Variants in ST3GAL4 observed in about 807,000 individuals in gnomAD.
ST3GAL4 encodes ST3 beta-galactoside alpha-2,3-sialyltransferase 4.
In ST3GAL4, 24 loss-of-function variants were observed where a neutral mutation model predicts 42.6. That is an observed-to-expected ratio of 0.56 (90% CI 0.41 to 0.79). ST3GAL4 has a LOEUF of 0.79. Among genes scored for constraint, ST3GAL4 ranks in the 30% least tolerant of loss-of-function variants. ST3GAL4 has a pLI of 0.00. For synonymous variants in ST3GAL4, 135 were observed against 163.2 expected, an observed-to-expected ratio of 0.83 and a Z score of 1.32; for missense variants, 311 against 430.8, an observed-to-expected ratio of 0.72 and a Z score of 2.46.
intron 1 of ST3GAL4, among the ~76,000 whole-genome samples, chr11:126,357,496 C>T (rs1171003895): frequency 1.3e-5 from 2 of 152,184 alleles, no homozygotes; most frequent in Non-Finnish European, 2.9e-5. Context: ...GCGGCCCAGG[C>T]TGAGGTGCCT....
rs1953161804 is a variant in ST3GAL4, at chr11:126,384,891, C to T, written c.-60-21205C>T. ...GTGGTGGGGGCAGTGGCTGAGGACCCCTCTCTTTGCTGGGCTGGGACAGAG... is the reference window on the plus strand; with the variant it reads ...GTGGTGGGGGCAGTGGCTGAGGACCTCTCTCTTTGCTGGGCTGGGACAGAG... On this transcript the variant is annotated intron_variant, in intron 1 of 10. Coordinates refer to ENST00000444328, the MANE Select transcript of ST3GAL4 (RefSeq NM_001254757.2). The surrounding 1 kb of genome is among the most constrained non-coding windows in gnomAD (Gnocchi z 5.5). 1 of 985,332 alleles carries T rather than the reference C, an allele frequency of 1.0e-6. No homozygotes were observed. Among genetic ancestry groups the T allele is most frequent in the South Asian group, 4.7e-5 (1 of 21,276 alleles). The allele number at this position is 985,332 out of a possible 1,614,324, so 61.0% of individuals were successfully genotyped here. A position where few individuals can be genotyped will look rare whatever the true frequency, so the allele number is the denominator to read the frequency against.
rs540412138 is a variant in ST3GAL4 at position 126,383,430 on chromosome 11, A to C, written c.-60-22666A>C. 1.3e-5 allele frequency among the ~76,000 whole-genome samples: 2 copies of C among 152,132 alleles called. No individual in the cohort carries two copies. Among genetic ancestry groups the C allele is most frequent in the African/African-American group, 4.8e-5 (2 of 41,446 alleles). On this transcript the variant is annotated intron_variant, in intron 1 of 10. Coordinates refer to ENST00000444328, the MANE Select transcript of ST3GAL4 (RefSeq NM_001254757.2). This position sits in a 1 kb window ranked among gnomAD's most constrained non-coding sequence, Gnocchi z 4.5. ...CCACTGGGCCTGAGGGAGGTAGAGC[A>C]GCAGCAGCAGCAGCTGAGCCCAGCC... is the stretch of plus-strand genomic sequence containing the variant.
In ST3GAL4 at chr11:126,373,962, G is replaced by A. The variant is rs1482510330; in HGVS notation, c.-61+18120G>A. Among the ~76,000 whole-genome samples the A allele has an allele frequency of 2.0e-5, 3 of 152,136 alleles. No homozygotes were observed. The highest frequency in any genetic ancestry group is 4.4e-5 in the Non-Finnish European group (3 of 68,032). ...CACTCTGTTCCACCTGCACTGGAGC[G>A]ATGCTATCCGATGAACAGATCCATT... On this transcript the variant is annotated intron_variant, in intron 1 of 10. Transcript: ENST00000444328. This position sits in a 1 kb window ranked among gnomAD's most constrained non-coding sequence, Gnocchi z 5.5.
At chr11:126,405,784 G>A in intron 1 of ST3GAL4, 1 of 345,900 alleles carries the variant, frequency 2.9e-6, no homozygotes. Context: ...TCAAAATGCA[G>A]AAGGAGATGG....
At chr11:126,380,032 C>T (rs545597060) in intron 1 of ST3GAL4, among the ~76,000 whole-genome samples, 12 of 152,000 alleles carry the variant, frequency 7.9e-5, no homozygotes, top group African/African-American at 2.7e-4. Flanking sequence ...GAAGCTGAGG[C>T]GGGCGGATCA....
intron 1 of ST3GAL4, among the ~76,000 whole-genome samples, chr11:126,402,756 C>A (rs924613606): frequency 6.6e-6 from 1 of 152,186 alleles, no homozygotes; most frequent in Non-Finnish European, 1.5e-5. Context: ...TTTCTGCCTC[C>A]ACTGGGCCTT....
Position 126,359,594 on chromosome 11 carries a change from A to G in ST3GAL4, c.-61+3752A>G, listed in dbSNP as rs545391644. On this transcript the variant is annotated intron_variant, in intron 1 of 10. Coordinates refer to ENST00000444328, the MANE Select transcript of ST3GAL4 (RefSeq NM_001254757.2). This position sits in a 1 kb window ranked among gnomAD's most constrained non-coding sequence, Gnocchi z 4.8. Reference sequence around the variant, plus strand: ...GGTTTGCTCAAGGCCACAGTGTATTAGTGTCAAAGGTGGAACACAAACCCT... The same window carrying G: ...GGTTTGCTCAAGGCCACAGTGTATTGGTGTCAAAGGTGGAACACAAACCCT... 2.6e-5 allele frequency among the ~76,000 whole-genome samples: 4 copies of G among 152,284 alleles called. No homozygotes were observed. In the South Asian group the frequency reaches 6.2e-4, roughly 24 times the overall value.
At chr11:126,360,345 G>A (rs1387090685) in intron 1 of ST3GAL4, among the ~76,000 whole-genome samples, 1 of 152,218 alleles carries the variant, frequency 6.6e-6, no homozygotes, top group Non-Finnish European at 1.5e-5. Flanking sequence ...GTGGGTATGC[G>A]CCACCACACT....
chr11:126,406,877 G>A lies in ST3GAL4; in HGVS notation c.102-66G>A. Reference sequence around the variant, plus strand: ...CTTCATGCCGTGGGAGAAGGCTTAGGCTGCCTGGAACATGGGTCCCTGGGT... The same window carrying A: ...CTTCATGCCGTGGGAGAAGGCTTAGACTGCCTGGAACATGGGTCCCTGGGT... On this transcript the variant is annotated intron_variant, in intron 3 of 10. Transcript: ENST00000444328. This position sits in a 1 kb window ranked among gnomAD's most constrained non-coding sequence, Gnocchi z 5.4. The A allele has an allele frequency of 6.9e-7, 1 of 1,443,718 alleles. No individual in the cohort carries two copies. Among genetic ancestry groups the A allele is most frequent in the African/African-American group, 1.4e-5 (1 of 71,224 alleles). 89.4% of individuals were successfully genotyped at this position (1,443,718 alleles called of 1,614,324 possible).
rs568475526 is a variant in ST3GAL4, at chr11:126,396,048, C to A, written c.-60-10048C>A. Among the ~76,000 whole-genome samples, 2 of 152,098 alleles carry A rather than the reference C, an allele frequency of 1.3e-5. No homozygotes were observed. Among genetic ancestry groups the A allele is most frequent in the African/African-American group, 2.4e-5 (1 of 41,464 alleles). ...ATGACCGGTCTGTTCTTGGCACTTG[C>A]AATTAGCGGACCGTCTGTATCCGAG... On this transcript the variant is annotated intron_variant, in intron 1 of 10. Transcript: ENST00000444328. This position sits in a 1 kb window ranked among gnomAD's most constrained non-coding sequence, Gnocchi z 5.8.
At chr11:126,408,282 T>C in intron 7 of ST3GAL4, 25 bp from the exon 8 acceptor site, 1 of 1,613,126 alleles carries the variant, frequency 6.2e-7, no homozygotes, top group Non-Finnish European at 8.5e-7. Context: ...CCTCTAGTGA[T>C]GGGAATCCTC....
intron 7 of ST3GAL4, 24 bp downstream of exon 7, chr11:126,408,218 CTGT>C (rs778903229): frequency 1.9e-4 from 299 of 1,613,534 alleles, no homozygotes; most frequent in Non-Finnish European, 2.4e-4. Context: ...TCTCTTCCTA[CTGT>C]TGTTTGGGAA....
At chr11:126,387,535 G>T (rs372749405) in intron 1 of ST3GAL4, among the ~76,000 whole-genome samples, 2 of 152,046 alleles carry the variant, frequency 1.3e-5, no homozygotes, top group East Asian at 3.9e-4. Flanking sequence ...AAACTAGCTG[G>T]TCATGGTGGT....
rs1953952529 is a variant in ST3GAL4 at position 126,400,472 on chromosome 11, T to G, written c.-60-5624T>G. Among the ~76,000 whole-genome samples, 1 of 151,854 alleles carries G rather than the reference T, an allele frequency of 6.6e-6. No individual in the cohort carries two copies. The highest frequency in any genetic ancestry group is 1.5e-5 in the Non-Finnish European group (1 of 67,964). On this transcript the variant is annotated intron_variant, in intron 1 of 10. Transcript: ENST00000444328. The surrounding 1 kb of genome is among the most constrained non-coding windows in gnomAD (Gnocchi z 4.6). Reference sequence around the variant, plus strand: ...ACCATAGCAGGCACCTTAATAAAGGTGGAAAAGGGATGTGGCAGCTACAGT... The same window carrying G: ...ACCATAGCAGGCACCTTAATAAAGGGGGAAAAGGGATGTGGCAGCTACAGT...
chr11:126,406,189 G>T lies in ST3GAL4; in HGVS notation c.16+18G>T. The T allele has an allele frequency of 6.4e-7, 1 of 1,557,118 alleles. No homozygotes were observed. The highest frequency in any genetic ancestry group is 8.7e-7 in the Non-Finnish European group (1 of 1,150,380). On this transcript the variant is annotated intron_variant, in intron 2 of 10. Coordinates refer to ENST00000444328, the MANE Select transcript of ST3GAL4 (RefSeq NM_001254757.2). This position sits in a 1 kb window ranked among gnomAD's most constrained non-coding sequence, Gnocchi z 5.4. Reference sequence around the variant, plus strand: ...CAAGTCCCGTGAGTGTCATCCGAGGGCTCCCCCACCCTGGAGGACAGGCCT... The same window carrying T: ...CAAGTCCCGTGAGTGTCATCCGAGGTCTCCCCCACCCTGGAGGACAGGCCT...
At chr11:126,405,347 C>T (rs2135537907) in intron 1 of ST3GAL4, among the ~76,000 whole-genome samples, 1 of 152,370 alleles carries the variant, frequency 6.6e-6, no homozygotes, top group South Asian at 2.1e-4. Context: ...GCACAGTCCT[C>T]ACCTTACTAC....
In ST3GAL4 at chr11:126,397,210, G is replaced by GC. The variant is rs1195874575; in HGVS notation, c.-60-8885dup. ...TTTGTCAGATGTTTGTAAAACATCT[G>GC]CTACATTCTTGGCAGTTTAATAGAA... On this transcript the variant is annotated intron_variant, in intron 1 of 10. Transcript: ENST00000444328. This position sits in a 1 kb window ranked among gnomAD's most constrained non-coding sequence, Gnocchi z 5.0. Among the ~76,000 whole-genome samples the GC allele has an allele frequency of 6.6e-6, 1 of 152,074 alleles. No homozygotes were observed. Among genetic ancestry groups the GC allele is most frequent in the East Asian group, 1.9e-4 (1 of 5,194 alleles).
rs1188890959 is a variant in ST3GAL4, at chr11:126,411,302, C to T, written c.771+1891C>T. On this transcript the variant is annotated intron_variant, in intron 9 of 10. Transcript: ENST00000444328. This position sits in a 1 kb window ranked among gnomAD's most constrained non-coding sequence, Gnocchi z 6.3. ...CTGGGATTACAGGCATGTACCACCA[C>T]ACCTGGCTAATTTTTGTATTTTTAC... is the stretch of plus-strand genomic sequence containing the variant. 1.3e-5 allele frequency among the ~76,000 whole-genome samples: 2 copies of T among 152,184 alleles called. No individual in the cohort carries two copies. Among genetic ancestry groups the T allele is most frequent in the Non-Finnish European group, 1.5e-5 (1 of 67,990 alleles).
In ST3GAL4 at chr11:126,412,490, A is replaced by G. The variant is rs1056767719; in HGVS notation, c.772-1015A>G. 3.9e-5 allele frequency among the ~76,000 whole-genome samples: 6 copies of G among 152,218 alleles called. No individual in the cohort carries two copies. The South Asian group carries it at 1.0e-3, about 26-fold the overall frequency. Reference sequence around the variant, plus strand: ...CGTCACTGTGGATGAATTAGGCATGAGCAACTGAGGTTCTCAGAGCAGCCA... The same window carrying G: ...CGTCACTGTGGATGAATTAGGCATGGGCAACTGAGGTTCTCAGAGCAGCCA... On this transcript the variant is annotated intron_variant, in intron 9 of 10. Coordinates refer to ENST00000444328, the MANE Select transcript of ST3GAL4 (RefSeq NM_001254757.2).
Sources: gnomAD v4.1 joint callset for allele counts (sites outside exome capture counted in the v4.1 genomes callset) on GRCh38, gnomAD v4.1.1 for gene constraint, Gnocchi (gnomAD v3.1) non-coding constraint, MANE v1.5 for transcripts, NCBI Gene and HGNC (gene_info 2026-07-23, HGNC 2026-07-21) for gene names.